The following CCDC13 variants were observed in gnomAD, a reference collection of about 807,000 sequenced individuals.
CCDC13 encodes coiled-coil domain-containing protein 13.
In CCDC13, 70 loss-of-function variants were observed where a neutral mutation model predicts 87.3. The observed-to-expected ratio is 0.80, with a 90% CI of 0.66 to 0.98. CCDC13 has a LOEUF of 0.98. Among genes scored for constraint, CCDC13 ranks in the 50% least tolerant of loss-of-function variants. CCDC13 has a pLI of 0.00. For missense variants in CCDC13, 842 were observed against 892.0 expected (o/e 0.94, Z 0.71); for synonymous variants, 317 against 360.3 (o/e 0.88, Z 1.36).
At chr3:42,748,239 A>C (rs1454575862) in intron 5 of CCDC13, among the ~76,000 whole-genome samples, 3 of 152,248 alleles carry the variant, frequency 2.0e-5, no homozygotes, top group East Asian at 3.8e-4. Context: ...CATAATGATG[A>C]AAATAAGGCC....
At chr3:42,710,409 C>G (rs2125866992) in intron 14 of CCDC13, among the ~76,000 whole-genome samples, 1 of 152,232 alleles carries the variant, frequency 6.6e-6, no homozygotes, top group East Asian at 1.9e-4. Flanking sequence ...TGAGGTCTGG[C>G]CTGCAGGCTG....
At position 42,739,664 on chromosome 3, in the gene CCDC13, C is replaced by A; in HGVS notation, c.1134G>T (p.Arg378=). The change falls in exon 9 of 16, where the codon CGG becomes CGT. Residue 378 remains arginine, a synonymous_variant. Transcript: ENST00000310232. ...GGGCGTCGATGAGCTCGTCATCATG[C>A]CGGCCCTTCTCCACCAGGGTTCCCA... ...SQMGTLVEKG[R]HDDELIDALM... is the part of the protein sequence containing the mutation. The A allele has an allele frequency of 6.2e-7, 1 of 1,614,134 alleles. No homozygotes were observed. The highest frequency in any genetic ancestry group is 8.5e-7 in the Non-Finnish European group (1 of 1,179,996).
At position 42,709,718 on chromosome 3, in the gene CCDC13, G is replaced by A. The variant is rs970143537; in HGVS notation, c.1954C>T (p.Pro652Ser). The A allele has an allele frequency of 8.1e-6, 13 of 1,614,030 alleles. No individual in the cohort carries two copies. The highest frequency in any genetic ancestry group is 1.0e-5 in the Non-Finnish European group (12 of 1,180,006). Residue 652 changes from proline (P) to serine (S), a missense_variant, in exon 15 of 16, where the codon CCC becomes TCC. Coordinates refer to ENST00000310232, the MANE Select transcript of CCDC13 (RefSeq NM_144719.4). The stretch of plus-strand genomic sequence containing the variant: ...AGCTCTTCCATTTGGGATTCCACGG[G>A]CACATCGGAGAGCTGGGCAAAGGAT... ...DPSFAQLSDV[P>S]VESQMEELTT...
At chr3:42,732,687 C>T (rs1698873010) in intron 12 of CCDC13, 200 bp downstream of exon 12, 1 of 571,266 alleles carries the variant, frequency 1.8e-6, no homozygotes, top group African/African-American at 1.9e-5. Context: ...GAGTCAGAGG[C>T]CAAGATTCTA....
chr3:42,723,842 C>A (rs1313163450), intron 13 of CCDC13, among the ~76,000 whole-genome samples: 1 of 151,826 alleles, frequency 6.6e-6, no homozygotes, highest in African/African-American at 2.4e-5. Context: ...TGGATTTATA[C>A]AATAAAATAT....
In CCDC13 at chr3:42,758,181, A is replaced by G. The variant is rs772256821; in HGVS notation, c.165T>C (p.Asp55=). The G allele has an allele frequency of 6.2e-7, 1 of 1,614,102 alleles. No homozygotes were observed. Among genetic ancestry groups the G allele is most frequent in the African/African-American group, 1.3e-5 (1 of 75,056 alleles). Reference sequence around the variant, plus strand: ...CCCCTGCGTGGAGAAGGCTGAGGCCATCTGAAACCTCCAAGGGCTCCTCTT... The same window carrying G: ...CCCCTGCGTGGAGAAGGCTGAGGCCGTCTGAAACCTCCAAGGGCTCCTCTT... The part of the protein sequence containing the change: ...DDQEEPLEVS[D]GLSLLHAGEP... Residue 55 remains aspartate (D), a synonymous_variant, in exon 2 of 16, where the codon GAT becomes GAC. Transcript: ENST00000310232.
At chr3:42,711,634 C>G (rs1209372039) in intron 14 of CCDC13, among the ~76,000 whole-genome samples, 1 of 152,194 alleles carries the variant, frequency 6.6e-6, no homozygotes, top group East Asian at 1.9e-4. Context: ...CGGCAGGCCA[C>G]ATCCCCTCCC....
chr3:42,767,397 C>T (rs1435728961), intron 1 of CCDC13, among the ~76,000 whole-genome samples: 5 of 152,102 alleles, frequency 3.3e-5, no homozygotes, highest in Non-Finnish European at 5.9e-5. Context: ...AAATATAAAA[C>T]TCTGGGAAAA....
intron 13 of CCDC13, among the ~76,000 whole-genome samples, chr3:42,726,370 A>G (rs1297728992): frequency 6.6e-6 from 1 of 152,166 alleles, no homozygotes; most frequent in Non-Finnish European, 1.5e-5. Flanking sequence ...CGAAAAATAC[A>G]GTTATCAAAA....
chr3:42,762,506 A>G (rs950458565), intron 1 of CCDC13, among the ~76,000 whole-genome samples: 7 of 152,192 alleles, frequency 4.6e-5, no homozygotes, highest in Non-Finnish European at 1.0e-4. Context: ...ACTAAGGTCA[A>G]CTGTACCTAC....
At chr3:42,753,954 C>G (rs1487865141) in intron 3 of CCDC13, among the ~76,000 whole-genome samples, 2 of 152,124 alleles carry the variant, frequency 1.3e-5, no homozygotes, top group Non-Finnish European at 2.9e-5. Flanking sequence ...AAGGCAGGCA[C>G]CGGGAGCTAG....
chr3:42,744,572 G>A (rs1427134471), intron 7 of CCDC13, among the ~76,000 whole-genome samples: 1 of 152,084 alleles, frequency 6.6e-6, no homozygotes, highest in Non-Finnish European at 1.5e-5. Flanking sequence ...TTGGCAAGCC[G>A]AGGTGGGCGG....
chr3:42,745,207 T>C (rs187597863), intron 7 of CCDC13: 1 of 152,348 alleles, frequency 6.6e-6, no homozygotes, highest in Admixed American at 6.5e-5. Flanking sequence ...TTCTCACATG[T>C]TTCTCAGTTT....
chr3:42,757,939 C>T (rs780847171), intron 2 of CCDC13, among the ~76,000 whole-genome samples, 186 bp downstream of exon 2: 14 of 152,062 alleles, frequency 9.2e-5, no homozygotes, highest in Non-Finnish European at 1.5e-4. Context: ...TATTATAAAG[C>T]ATTTAGAATG....
chr3:42,762,682 G>T (rs1167205712), intron 1 of CCDC13, among the ~76,000 whole-genome samples: 1 of 152,164 alleles, frequency 6.6e-6, no homozygotes, highest in Non-Finnish European at 1.5e-5. Context: ...GTGTCTCCTG[G>T]ACTCTGCCCT....
At chr3:42,735,556 G>A (rs992567343) in intron 10 of CCDC13, 151 bp downstream of exon 10, 5 of 749,528 alleles carry the variant, frequency 6.7e-6, no homozygotes, top group Non-Finnish European at 1.1e-5. Flanking sequence ...GTGCAGAATG[G>A]GTTGGGGAGC....
chr3:42,744,453 C>G (rs943102057), intron 7 of CCDC13, among the ~76,000 whole-genome samples: 1 of 152,184 alleles, frequency 6.6e-6, no homozygotes, highest in East Asian at 1.9e-4. Flanking sequence ...CCAGTGCCCT[C>G]GTGTGGCGCT....
chr3:42,754,224 T>G (rs1434344035), intron 3 of CCDC13, among the ~76,000 whole-genome samples: 1 of 152,150 alleles, frequency 6.6e-6, no homozygotes, highest in Non-Finnish European at 1.5e-5. Flanking sequence ...TCAAATCACC[T>G]CAGCCCAGGC....
chr3:42,747,481 G>T (rs1337001119), intron 5 of CCDC13, 108 bp from the exon 6 acceptor site: 3 of 784,694 alleles, frequency 3.8e-6, no homozygotes, highest in East Asian at 4.9e-5. Context: ...CTAAGTGTTT[G>T]ACATGGAAGA....
Sources: allele counts gnomAD v4.1 joint callset (sites outside exome capture counted in the v4.1 genomes callset), GRCh38; gene constraint gnomAD v4.1.1; transcripts MANE v1.5; gene names NCBI Gene and HGNC (gene_info 2026-07-23, HGNC 2026-07-21).